ADAMTS12: variants seen among roughly 807,000 people sequenced by gnomAD.
ADAMTS12 encodes A disintegrin and metalloproteinase with thrombospondin motifs 12.
ADAMTS12 carries 118 observed loss-of-function variants against 167.8 expected under a neutral mutation model. The ratio of observed to expected loss-of-function variants is 0.70; its 90% CI spans 0.61 to 0.82. The LOEUF (loss-of-function observed/expected upper bound fraction) is 0.82. Ranked by LOEUF, ADAMTS12 falls within the 40% of genes least tolerant of loss-of-function variation. The probability of loss-of-function intolerance (pLI) is 0.00; values close to 1 mark genes in which losing one functional copy is unlikely to be tolerated. For missense variants in ADAMTS12, 1,916 were observed against 1,998.8 expected (o/e 0.96, Z 0.79); for synonymous variants, 704 against 716.9 (o/e 0.98, Z 0.29).
intron 15 of ADAMTS12, 147 bp downstream of exon 15, chr5:33,615,681 A>T: frequency 1.7e-6 from 2 of 1,156,058 alleles, no homozygotes; most frequent in Non-Finnish European, 2.4e-6. Flanking sequence ...TTAACAGCAC[A>T]AACTAATATC....
At chr5:33,785,329 C>T (rs563022755) in intron 2 of ADAMTS12, among the ~76,000 whole-genome samples, 3 of 152,004 alleles carry the variant, frequency 2.0e-5, no homozygotes, top group East Asian at 1.9e-4. Flanking sequence ...TGAACTTCAA[C>T]AAAATCGCAA....
Position 33,524,473 on chromosome 5 carries a change from C to G in ADAMTS12, c.*2715G>C, listed in dbSNP as rs1023273485. The G allele has an allele frequency of 6.6e-6, 1 of 152,196 alleles. No individual in the cohort carries two copies. The highest frequency in any genetic ancestry group is 2.4e-5 in the African/African-American group (1 of 41,442). 9.4% of individuals were successfully genotyped at this position (152,196 alleles called of 1,614,324 possible). ...GATATGTATCCAGTGTCTCCTGATACACTTCTCAGTTGCTTGATCCAGGTG... is the reference window on the plus strand; with the variant it reads ...GATATGTATCCAGTGTCTCCTGATAGACTTCTCAGTTGCTTGATCCAGGTG... On this transcript the variant is annotated 3_prime_UTR_variant, in exon 24 of 24. Transcript: ENST00000504830.
chr5:33,538,019 C>T (rs1245157297), intron 22 of ADAMTS12, among the ~76,000 whole-genome samples: 1 of 152,190 alleles, frequency 6.6e-6, no homozygotes, highest in Non-Finnish European at 1.5e-5. Flanking sequence ...GGATCTGTCC[C>T]AGCTGAGGTG....
chr5:33,616,219 A>G (rs1198736112), intron 14 of ADAMTS12, 147 bp from the exon 15 acceptor site: 2 of 1,079,614 alleles, frequency 1.9e-6, no homozygotes, highest in Non-Finnish European at 2.6e-6. Flanking sequence ...CAGAAGCACT[A>G]CTTATGGGGG....
chr5:33,730,054 G>C (rs1017405071), intron 3 of ADAMTS12, among the ~76,000 whole-genome samples: 6 of 152,154 alleles, frequency 3.9e-5, no homozygotes, highest in African/African-American at 1.2e-4. Context: ...ACATTAGAAG[G>C]CTTCTTTCTT....
chr5:33,546,008 TAA>T (rs11338120), intron 22 of ADAMTS12, 49 bp downstream of exon 22: 97,359 of 1,273,662 alleles, frequency 0.076, 117 homozygotes, highest in South Asian at 0.16. Context: ...CTTAAAGTAT[TAA>T]AAAAAAAAAA....
intron 19 of ADAMTS12, among the ~76,000 whole-genome samples, 167 bp from the exon 20 acceptor site, chr5:33,561,346 G>C (rs1240778491): frequency 6.6e-6 from 1 of 152,232 alleles, no homozygotes; most frequent in Non-Finnish European, 1.5e-5. Context: ...AAATTAATCT[G>C]AATCTCTTGG....
At chr5:33,676,819 C>A (rs538960211) in intron 5 of ADAMTS12, among the ~76,000 whole-genome samples, 1 of 152,016 alleles carries the variant, frequency 6.6e-6, no homozygotes, top group Non-Finnish European at 1.5e-5. Context: ...GAGGGGTAAA[C>A]CACCAGCCTG....
intron 10 of ADAMTS12, 73 bp downstream of exon 10, chr5:33,643,305 G>A (rs1417999857): frequency 7.4e-6 from 11 of 1,490,986 alleles, no homozygotes; most frequent in Non-Finnish European, 1.0e-5. Context: ...TGCCCTCTAG[G>A]GCCTTCTCCT....
chr5:33,688,746 G>C (rs1414823979), intron 3 of ADAMTS12, among the ~76,000 whole-genome samples: 2 of 152,214 alleles, frequency 1.3e-5, no homozygotes, highest in Non-Finnish European at 2.9e-5. Context: ...GTAGTTTCCA[G>C]TGTGAGCAAT....
chr5:33,676,683 T>TACACACACACACACACAC (rs141431526), intron 5 of ADAMTS12, among the ~76,000 whole-genome samples: 4 of 136,392 alleles, frequency 2.9e-5, no homozygotes, highest in South Asian at 2.7e-4. Context: ...CTGTCTATCT[T>TACACACACACACACACAC]ACACACACAC....
intron 17 of ADAMTS12, among the ~76,000 whole-genome samples, chr5:33,593,251 G>A (rs921149837): frequency 3.3e-5 from 5 of 152,268 alleles, no homozygotes; most frequent in East Asian, 3.9e-4. Context: ...TTTTTATTGT[G>A]TTTTAATGTG....
Position 33,616,023 on chromosome 5 carries a change from C to T in ADAMTS12, c.2193G>A (p.Val731=), listed in dbSNP as rs745547731. ...LIPKGARDIR[V]MEIEGAGNFL... ...AGTTTCCAGCTCCCTCAATTTCCATCACTCTTATGTCCCTTGCTCCTTTTG... is the reference window on the plus strand; with the variant it reads ...AGTTTCCAGCTCCCTCAATTTCCATTACTCTTATGTCCCTTGCTCCTTTTG... The change falls in exon 15 of 24, where the codon GTG becomes GTA. Residue 731 remains valine (V), a synonymous_variant. Coordinates refer to ENST00000504830, the MANE Select transcript of ADAMTS12 (RefSeq NM_030955.4). 1 of 1,614,186 alleles carries T rather than the reference C, an allele frequency of 6.2e-7. No individual in the cohort carries two copies. Among genetic ancestry groups the T allele is most frequent in the South Asian group, 1.1e-5 (1 of 91,082 alleles).
chr5:33,800,568 C>A (rs1458654826), intron 2 of ADAMTS12, among the ~76,000 whole-genome samples: 1 of 152,200 alleles, frequency 6.6e-6, no homozygotes, highest in East Asian at 1.9e-4. Context: ...TAGAAATAAA[C>A]AACCTGAGTG....
intron 3 of ADAMTS12, among the ~76,000 whole-genome samples, chr5:33,700,428 A>G (rs1223429233): frequency 1.3e-5 from 2 of 152,228 alleles, no homozygotes; most frequent in African/African-American, 4.8e-5. Context: ...CCAATCCCAA[A>G]GGGTTAAACA....
At chr5:33,643,718 C>T (rs1561190872) in intron 9 of ADAMTS12, among the ~76,000 whole-genome samples, 2 of 152,190 alleles carry the variant, frequency 1.3e-5, no homozygotes, top group African/African-American at 2.4e-5. Flanking sequence ...AACCTATTTT[C>T]TAAGGGTTGA....
chr5:33,887,905 C>A (rs1040020035), intron 1 of ADAMTS12, among the ~76,000 whole-genome samples: 2 of 151,876 alleles, frequency 1.3e-5, no homozygotes, highest in Non-Finnish European at 2.9e-5. Flanking sequence ...CCACCACGCC[C>A]GGCTGATTTT....
intron 1 of ADAMTS12, among the ~76,000 whole-genome samples, chr5:33,883,330 T>TGG (rs1561327424): frequency 1.7e-3 from 96 of 57,056 alleles, no homozygotes; most frequent in African/African-American, 5.4e-3. Flanking sequence ...TTTTTTTGTT[T>TGG]TTTTTTTTTT....
chr5:33,705,157 T>A (rs527678613), intron 3 of ADAMTS12, among the ~76,000 whole-genome samples: 13 of 152,202 alleles, frequency 8.5e-5, no homozygotes, highest in African/African-American at 3.1e-4. Context: ...ATATCGTGTT[T>A]GGTTTTCCAT....
Sources: allele counts gnomAD v4.1 joint callset (sites outside exome capture counted in the v4.1 genomes callset), GRCh38; gene constraint gnomAD v4.1.1; transcripts MANE v1.5; gene names NCBI Gene and HGNC (gene_info 2026-07-23, HGNC 2026-07-21).